Variants in DPYD observed in about 807,000 individuals in gnomAD.
The protein encoded by DPYD is dihydropyrimidine dehydrogenase [NADP(+)].
In DPYD, 109 loss-of-function variants were observed where a neutral mutation model predicts 116.2. The ratio of observed to expected loss-of-function variants is 0.94; its 90% CI spans 0.80 to 1.10. The LOEUF is 1.10. Among genes scored for constraint, DPYD ranks in the 50% least tolerant of loss-of-function variants. The pLI is 0.00. For missense variants in DPYD, 1,302 were observed against 1,254.5 expected, an observed-to-expected ratio of 1.04 and a Z score of -0.57; for synonymous variants, 440 against 432.0, an observed-to-expected ratio of 1.02 and a Z score of -0.23.
At chr1:97,557,904 A>G (rs1241955612) in intron 11 of DPYD, among the ~76,000 whole-genome samples, 1 of 152,332 alleles carries the variant, frequency 6.6e-6, no homozygotes, top group Middle Eastern at 3.4e-3. Flanking sequence ...TTGAAGGTGG[A>G]TATTATCATC....
chr1:97,306,110 G>A (rs1298500349), intron 17 of DPYD, 67 bp downstream of exon 17: 1 of 1,603,178 alleles, frequency 6.2e-7, no homozygotes, highest in African/African-American at 1.3e-5. Flanking sequence ...AGACATACTT[G>A]AGTATGGCTA....
At chr1:97,451,696 T>C (rs1676422175) in intron 13 of DPYD, among the ~76,000 whole-genome samples, 1 of 152,174 alleles carries the variant, frequency 6.6e-6, no homozygotes, top group African/African-American at 2.4e-5. Flanking sequence ...TAAATGTATG[T>C]TCTACGTCCC....
At chr1:97,642,036 A>T (rs1183870339) in intron 8 of DPYD, among the ~76,000 whole-genome samples, 1 of 152,154 alleles carries the variant, frequency 6.6e-6, no homozygotes. Flanking sequence ...TAGGAATACA[A>T]ATTACAAGGG....
intron 10 of DPYD, among the ~76,000 whole-genome samples, chr1:97,588,555 A>G (rs1372778549): frequency 6.6e-6 from 1 of 152,158 alleles, no homozygotes; most frequent in Non-Finnish European, 1.5e-5. Flanking sequence ...TGATCTGTCA[A>G]CAGCTTTTAA....
At chr1:97,201,657 T>C (rs1490093352) in intron 19 of DPYD, among the ~76,000 whole-genome samples, 2 of 152,124 alleles carry the variant, frequency 1.3e-5, no homozygotes, top group Non-Finnish European at 2.9e-5. Flanking sequence ...AAACCACAAA[T>C]CTTAGTTGTT....
chr1:97,514,714 T>C (rs1018750920), intron 13 of DPYD, among the ~76,000 whole-genome samples: 11 of 150,522 alleles, frequency 7.3e-5, no homozygotes, highest in Non-Finnish European at 1.5e-4. Flanking sequence ...TCCTGCACTG[T>C]TTTTTTTTCT....
At chr1:97,323,394 A>G (rs957645788) in intron 16 of DPYD, among the ~76,000 whole-genome samples, 2 of 76,294 alleles carry the variant, frequency 2.6e-5, no homozygotes, top group African/African-American at 7.4e-5. Flanking sequence ...ACACGTATGT[A>G]TACATATGTG....
chr1:97,906,699 T>C (rs1342228440), intron 1 of DPYD, among the ~76,000 whole-genome samples: 1 of 152,100 alleles, frequency 6.6e-6, no homozygotes, highest in East Asian at 1.9e-4. Context: ...TTCAATGCTT[T>C]TTCCGTTGTA....
intron 13 of DPYD, among the ~76,000 whole-genome samples, chr1:97,460,200 A>C (rs1205634538): frequency 6.6e-6 from 1 of 152,210 alleles, no homozygotes; most frequent in Non-Finnish European, 1.5e-5. Flanking sequence ...TAACTCTAAG[A>C]TTGTATGTTT....
intron 13 of DPYD, among the ~76,000 whole-genome samples, chr1:97,500,542 G>A (rs766719216): frequency 5.9e-5 from 9 of 151,782 alleles, no homozygotes; most frequent in Non-Finnish European, 1.2e-4. Context: ...TGGGATTATC[G>A]TTTTTTATTT....
chr1:97,653,861 C>CAT (rs1482073012), intron 8 of DPYD, among the ~76,000 whole-genome samples: 1 of 152,114 alleles, frequency 6.6e-6, no homozygotes, highest in African/African-American at 2.4e-5. Context: ...AAAGGATAAA[C>CAT]ATAAGGTATG....
In DPYD at chr1:97,078,849, C is replaced by A. The variant is rs1648959375; in HGVS notation, c.*127G>T. Reference sequence around the variant, plus strand: ...CACTTACAAATGTATTTTGAAATTACATATTTTTATTTAGAAAATGTATAT... The same window carrying A: ...CACTTACAAATGTATTTTGAAATTAAATATTTTTATTTAGAAAATGTATAT... On this transcript the variant is annotated 3_prime_UTR_variant, in exon 23 of 23. Transcript: ENST00000370192. 8.8e-7 allele frequency: 1 copy of A among 1,137,878 alleles called. No individual in the cohort carries two copies. Among genetic ancestry groups the A allele is most frequent in the African/African-American group, 1.6e-5 (1 of 63,880 alleles). 70.5% of individuals were successfully genotyped at this position (1,137,878 alleles called of 1,614,324 possible). A position where few individuals can be genotyped will look rare whatever the true frequency, so the allele number is the denominator to read the frequency against.
At chr1:97,245,387 C>A (rs1557968567) in intron 18 of DPYD, among the ~76,000 whole-genome samples, 1 of 152,078 alleles carries the variant, frequency 6.6e-6, no homozygotes, top group Non-Finnish European at 1.5e-5. Flanking sequence ...TCTGGCAATG[C>A]TTTTTGCCTA....
At position 97,751,583 on chromosome 1, in the gene DPYD, G is replaced by A. The variant is rs1388691480; in HGVS notation, c.234-11104C>T. ...GTTCCATATCAGCCTGGGCAACATA[G>A]AAAGACCTTGTCTCTACCAAAAAAC... On this transcript the variant is annotated intron_variant, in intron 3 of 22. Transcript: ENST00000370192. 2.0e-5 allele frequency among the ~76,000 whole-genome samples: 3 copies of A among 147,246 alleles called. No homozygotes were observed. The East Asian group carries it at 6.1e-4, about 30-fold the overall frequency.
At chr1:97,861,536 T>C (rs1671117229) in intron 2 of DPYD, among the ~76,000 whole-genome samples, 1 of 151,898 alleles carries the variant, frequency 6.6e-6, no homozygotes, top group Non-Finnish European at 1.5e-5. Context: ...AAAAATTATA[T>C]AATTTGTTAT....
At chr1:97,492,160 T>C (rs1679009969) in intron 13 of DPYD, among the ~76,000 whole-genome samples, 1 of 152,122 alleles carries the variant, frequency 6.6e-6, no homozygotes, top group African/African-American at 2.4e-5. Flanking sequence ...GATATAGTCA[T>C]AAATTTGTAC....
intron 17 of DPYD, among the ~76,000 whole-genome samples, chr1:97,305,588 A>C (rs919844443): frequency 6.6e-6 from 1 of 151,978 alleles, no homozygotes; most frequent in African/African-American, 2.4e-5. Context: ...TACTTTCTCA[A>C]ATATTATACA....
intron 14 of DPYD, among the ~76,000 whole-genome samples, chr1:97,383,520 A>G (rs1428561222): frequency 2.0e-5 from 3 of 151,978 alleles, no homozygotes; most frequent in Non-Finnish European, 4.4e-5. Flanking sequence ...GAAAAGTAAT[A>G]AAAGAAATTG....
chr1:97,230,394 A>C (rs1250510780), intron 19 of DPYD, among the ~76,000 whole-genome samples: 1 of 152,206 alleles, frequency 6.6e-6, no homozygotes, highest in African/African-American at 2.4e-5. Context: ...CGGACAACCA[A>C]ATACTGCATG....
Sources: gnomAD v4.1 joint callset for allele counts (sites outside exome capture counted in the v4.1 genomes callset) on GRCh38, gnomAD v4.1.1 for gene constraint, MANE v1.5 for transcripts, NCBI Gene and HGNC (gene_info 2026-07-23, HGNC 2026-07-21) for gene names.